Variants in SEMA3A observed in about 807,000 individuals in gnomAD.
SEMA3A encodes the protein semaphorin-3A.
In SEMA3A, 29 loss-of-function variants were observed where a neutral mutation model predicts 97.9. That is an observed-to-expected ratio of 0.30 (90% CI 0.22 to 0.40). SEMA3A has a LOEUF of 0.40. Ranked by LOEUF, SEMA3A falls within the 10% of genes least tolerant of loss-of-function variation. SEMA3A has a pLI of 1.00. For synonymous variants in SEMA3A, 321 were observed against 323.7 expected, an observed-to-expected ratio of 0.99 and a Z score of 0.09; for missense variants, 763 against 951.3, an observed-to-expected ratio of 0.80 and a Z score of 2.60.
At chr7:84,222,486 T>A (rs990858068) in intron 3 of SEMA3A, among the ~76,000 whole-genome samples, 1 of 151,868 alleles carries the variant, frequency 6.6e-6, no homozygotes, top group Non-Finnish European at 1.5e-5. Context: ...TAAAAAAGAA[T>A]GACAACATTT....
intron 4 of SEMA3A, among the ~76,000 whole-genome samples, chr7:84,067,773 A>G (rs1448910448): frequency 1.3e-5 from 2 of 150,244 alleles, no homozygotes; most frequent in Admixed American, 6.6e-5. Context: ...TCAGGAAACA[A>G]CAGGTGCTGG....
chr7:84,129,238 C>G, intron 2 of SEMA3A, 53 bp from the exon 3 acceptor site: 1 of 1,373,194 alleles, frequency 7.3e-7, no homozygotes, highest in Non-Finnish European at 1.0e-6. Flanking sequence ...TCTAAGAGAT[C>G]CAACACCATA....
intron 3 of SEMA3A, among the ~76,000 whole-genome samples, chr7:84,259,961 C>A (rs1799809423): frequency 6.6e-6 from 1 of 152,136 alleles, no homozygotes; most frequent in Admixed American, 6.5e-5. Flanking sequence ...TGCCGATACA[C>A]AGCAAAACTT....
chr7:83,977,788 C>CTTTTTTTTTTTTTTT (rs139682272), intron 14 of SEMA3A, among the ~76,000 whole-genome samples: 2 of 141,068 alleles, frequency 1.4e-5, no homozygotes, highest in Non-Finnish European at 1.5e-5. Context: ...TCAACCTATC[C>CTTTTTTTTTTTTTTT]TTTTTTTTTT....
intron 1 of SEMA3A, among the ~76,000 whole-genome samples, chr7:84,387,948 A>AT (rs1803441436): frequency 6.6e-6 from 1 of 152,146 alleles, no homozygotes; most frequent in Admixed American, 6.5e-5. Context: ...ACCATGTGAG[A>AT]TAAGTTTACC....
chr7:84,106,716 A>G (rs1795119531), intron 4 of SEMA3A, among the ~76,000 whole-genome samples: 1 of 152,128 alleles, frequency 6.6e-6, no homozygotes, highest in East Asian at 1.9e-4. Flanking sequence ...GATGGGTTTT[A>G]CTTCTGGGAC....
rs187977231 is a variant in SEMA3A at position 84,153,400 on chromosome 7, T to C, written c.113-18449A>G. 1.1e-3 allele frequency among the ~76,000 whole-genome samples: 175 copies of C among 152,288 alleles called. 1 individual carries two copies. In the East Asian group the frequency reaches 0.013, roughly 11 times the overall value. On this transcript the variant is annotated intron_variant, in intron 1 of 16. Transcript: ENST00000265362. ...CACTTATAACATTCAGAGGAAAGGA[T>C]GCACACTGATTTAATATACACTGCA...
intron 1 of SEMA3A, among the ~76,000 whole-genome samples, chr7:84,437,942 A>G (rs530618490): frequency 2.6e-5 from 4 of 152,044 alleles, no homozygotes; most frequent in Non-Finnish European, 5.9e-5. Flanking sequence ...TTTTTAAAAA[A>G]CCTAAAACAA....
intron 1 of SEMA3A, among the ~76,000 whole-genome samples, chr7:84,136,068 C>T (rs1453886159): frequency 1.3e-5 from 2 of 152,150 alleles, no homozygotes; most frequent in Non-Finnish European, 1.5e-5. Flanking sequence ...CACATGTACA[C>T]ACACACACCC....
intron 1 of SEMA3A, among the ~76,000 whole-genome samples, chr7:84,490,827 T>C (rs1584361045): frequency 1.3e-5 from 2 of 152,164 alleles, no homozygotes; most frequent in East Asian, 1.9e-4. Context: ...GTTGAAGTCA[T>C]TGACACGGTT....
chr7:83,961,130 C>T lies in SEMA3A; in HGVS notation c.*241G>A, dbSNP rs1323767742. The T allele has an allele frequency of 1.9e-6, 1 of 522,238 alleles. No individual in the cohort carries two copies. The highest frequency in any genetic ancestry group is 3.4e-6 in the Non-Finnish European group (1 of 290,572). The allele number at this position is 522,238 out of a possible 1,614,324, so 32.4% of individuals were successfully genotyped here. A position where few individuals can be genotyped will look rare whatever the true frequency, so the allele number is the denominator to read the frequency against. Reference sequence around the variant, plus strand: ...TGAAATCTCATAGGAAACATTAAGTCTGCTAAAGTGAACATCTGCATTCAC... The same window carrying T: ...TGAAATCTCATAGGAAACATTAAGTTTGCTAAAGTGAACATCTGCATTCAC... On this transcript the variant is annotated 3_prime_UTR_variant, in exon 17 of 17. Transcript: ENST00000265362.
chr7:84,330,660 C>T (rs1801888617), intron 2 of SEMA3A, among the ~76,000 whole-genome samples: 1 of 151,968 alleles, frequency 6.6e-6, no homozygotes, highest in African/African-American at 2.4e-5. Context: ...CTTTTTTTCC[C>T]CCTGTGGTAC....
chr7:84,303,209 T>G (rs1801066569), intron 3 of SEMA3A, among the ~76,000 whole-genome samples: 1 of 152,110 alleles, frequency 6.6e-6, no homozygotes, highest in Non-Finnish European at 1.5e-5. Context: ...CTAAGCACTC[T>G]TTATGACCCT....
At chr7:84,250,255 T>TA (rs200928065) in intron 3 of SEMA3A, among the ~76,000 whole-genome samples, 3 of 145,222 alleles carry the variant, frequency 2.1e-5, no homozygotes, top group East Asian at 5.0e-4. Context: ...TACATTAATA[T>TA]TTTTTTTTTT....
rs980661779 is a variant in SEMA3A, at chr7:83,977,139, T to G, written c.1710A>C (p.Leu570Phe). The change falls in exon 15 of 17, where the codon TTA becomes TTC. Residue 570 changes from leucine (L) to phenylalanine (F), a missense_variant. Physicochemically the swap from Leu to Phe is conservative, Grantham distance 22. Transcript: ENST00000265362. ...ATGAAAAATGTGACTTACCATGGTG[T>G]AAGTCTGAACAGTGAGTCAGTGGGT... ...NGDPLTHCSD[L>F]HHDNHHGHSP... The G allele has an allele frequency of 2.6e-6, 4 of 1,562,490 alleles. No individual in the cohort carries two copies. The African/African-American group carries it at 5.5e-5, about 21-fold the overall frequency.
At chr7:84,042,041 G>T (rs1792153335) in intron 6 of SEMA3A, among the ~76,000 whole-genome samples, 4 of 152,146 alleles carry the variant, frequency 2.6e-5, no homozygotes, top group Admixed American at 2.6e-4. Flanking sequence ...CTGGTAACGT[G>T]TAATGTTAAC....
At chr7:84,116,678 T>G (rs1030398040) in intron 3 of SEMA3A, among the ~76,000 whole-genome samples, 2 of 152,046 alleles carry the variant, frequency 1.3e-5, no homozygotes, top group Non-Finnish European at 2.9e-5. Context: ...CTTGGATACA[T>G]AAGGAGACAT....
rs572927230 is a variant in SEMA3A, at chr7:84,262,284, G to A, written c.-83+44923C>T. Among the ~76,000 whole-genome samples the A allele has an allele frequency of 5.3e-5, 8 of 152,132 alleles. No individual in the cohort carries two copies. The East Asian group carries it at 1.4e-3, about 26-fold the overall frequency. ...GGATGGAGTGCAATGGTACGAGCCTGGCTCATTGTAACCTCCACCTCCCAG... is the reference window on the plus strand; with the variant it reads ...GGATGGAGTGCAATGGTACGAGCCTAGCTCATTGTAACCTCCACCTCCCAG... On this transcript the variant is annotated intron_variant, in intron 3 of 3. Coordinates refer to the SEMA3A transcript ENST00000424555.
At position 84,365,430 on chromosome 7, in the gene SEMA3A, A is replaced by G. The variant is rs1400401621; in HGVS notation, c.-169+6394T>C. Among the ~76,000 whole-genome samples the G allele has an allele frequency of 2.6e-5, 4 of 151,542 alleles. No individual in the cohort carries two copies. The East Asian group carries it at 7.8e-4, about 29-fold the overall frequency. On this transcript the variant is annotated intron_variant, in intron 2 of 3. Transcript: ENST00000424555. ...TTGAAATAGAGGCTGAAAGTGTATTACTTGTTCAGTGTCACAGAGCTCATA... is the reference window on the plus strand; with the variant it reads ...TTGAAATAGAGGCTGAAAGTGTATTGCTTGTTCAGTGTCACAGAGCTCATA...
Sources: allele counts gnomAD v4.1 joint callset (sites outside exome capture counted in the v4.1 genomes callset), GRCh38; gene constraint gnomAD v4.1.1; transcripts MANE v1.5; gene names NCBI Gene and HGNC (gene_info 2026-07-23, HGNC 2026-07-21).